The following CPSF4L variants were observed in gnomAD, a reference collection of about 807,000 sequenced individuals.
CPSF4L encodes the protein putative cleavage and polyadenylation specificity factor subunit 4-like protein.
A neutral mutation model predicts 24.0 loss-of-function variants in CPSF4L; 18 were observed. The ratio of observed to expected loss-of-function variants is 0.75; its 90% CI spans 0.52 to 1.11. The LOEUF (loss-of-function observed/expected upper bound fraction) is 1.11. Among genes scored for constraint, CPSF4L ranks in the 50% least tolerant of loss-of-function variants. CPSF4L has a pLI of 0.00. For missense variants in CPSF4L, 211 were observed against 221.8 expected, an observed-to-expected ratio of 0.95 and a Z score of 0.31; for synonymous variants, 72 against 77.2, an observed-to-expected ratio of 0.93 and a Z score of 0.35.
chr17:73,261,981 C>T, upstream of CPSF4L: 4 of 614,078 alleles, frequency 6.5e-6, no homozygotes, highest in South Asian at 7.7e-5. Context: ...CTGGGCTGTA[C>T]AGGAGCAGGG....
At chr17:73,243,001 T>C in the CPSF4L span, 4 of 1,611,062 alleles carry the variant, frequency 2.5e-6, no homozygotes, top group Non-Finnish European at 3.4e-6. Flanking sequence ...TTCAGACGTC[T>C]GAGTAAGTCT....
At chr17:73,252,770 G>C (rs2062010697) in intron 4 of CPSF4L, 47 bp from the exon 5 acceptor site, 2 of 1,373,688 alleles carry the variant, frequency 1.5e-6, no homozygotes, top group Non-Finnish European at 2.0e-6. Context: ...TTCAGCAAGA[G>C]GGGAAAACAC....
At chr17:73,256,933 A>G (rs1037481098) in intron 3 of CPSF4L, among the ~76,000 whole-genome samples, 4 of 152,236 alleles carry the variant, frequency 2.6e-5, no homozygotes, top group African/African-American at 9.6e-5. Flanking sequence ...AGGCTGAGGC[A>G]GGAGAATGGC....
chr17:73,262,937 T>A (rs1483062313), upstream of CPSF4L, among the ~76,000 whole-genome samples: 1 of 148,166 alleles, frequency 6.7e-6, no homozygotes, highest in Non-Finnish European at 1.5e-5. Flanking sequence ...GAACTCCAGA[T>A]CAGAAAAGAA....
At chr17:73,249,547 G>T (rs989401208) in intron 5 of CPSF4L, among the ~76,000 whole-genome samples, 2 of 152,208 alleles carry the variant, frequency 1.3e-5, no homozygotes, top group South Asian at 4.2e-4. Context: ...CTCCAGGCAG[G>T]CCAGGCACCT....
intron 5 of CPSF4L, chr17:73,249,814 C>G (rs1308045790): frequency 6.3e-6 from 1 of 157,588 alleles, no homozygotes; most frequent in Non-Finnish European, 1.4e-5. Flanking sequence ...AGAGTATATT[C>G]TTAGATTTAA....
At chr17:73,242,157 C>A in the CPSF4L span, 1 of 803,626 alleles carries the variant, frequency 1.2e-6, no homozygotes, top group Non-Finnish European at 2.0e-6. Context: ...CTTCCTGAGG[C>A]TTAGCCGTGG....
intron 3 of CPSF4L, among the ~76,000 whole-genome samples, chr17:73,256,065 T>C (rs1010412202): frequency 2.0e-5 from 3 of 152,242 alleles, no homozygotes; most frequent in African/African-American, 7.2e-5. Flanking sequence ...GATTACATCT[T>C]GTAATCATGG....
chr17:73,245,145 C>A, downstream of CPSF4L: 4 of 1,613,008 alleles, frequency 2.5e-6, no homozygotes, highest in Non-Finnish European at 2.5e-6. Context: ...CGGATCCTTA[C>A]ATTTGTCTCT....
upstream of CPSF4L, chr17:73,261,943 G>T: frequency 1.4e-6 from 1 of 705,166 alleles, no homozygotes; most frequent in South Asian, 1.7e-5. Flanking sequence ...GGTGCCAGTG[G>T]CCAGGTGACT....
intron 5 of CPSF4L, chr17:73,250,006 G>A (rs1036106257): frequency 7.3e-6 from 3 of 411,964 alleles, no homozygotes; most frequent in Non-Finnish European, 1.3e-5. Flanking sequence ...TTGGTTTTAT[G>A]TACATTTTGC....
chr17:73,258,278 G>A (rs1252762389), intron 2 of CPSF4L, among the ~76,000 whole-genome samples: 1 of 152,012 alleles, frequency 6.6e-6, no homozygotes, highest in Non-Finnish European at 1.5e-5. Flanking sequence ...CCAAAGTGCT[G>A]GGATTACAGG....
At position 73,251,214 on chromosome 17, in the gene CPSF4L, G is replaced by T. The variant is rs2062004754; in HGVS notation, c.497+1416C>A. 8 of 1,246,954 alleles carry T rather than the reference G, an allele frequency of 6.4e-6. 1 individual carries two copies. The South Asian group carries it at 1.8e-4, about 29-fold the overall frequency. The allele number at this position is 1,246,954 out of a possible 1,614,324, so 77.2% of individuals were successfully genotyped here. On this transcript the variant is annotated intron_variant, in intron 5 of 5. Coordinates refer to ENST00000344935, the MANE Select transcript of CPSF4L (RefSeq NM_001129885.1). ...GCCATGCATTTAGGGTGAAACCAGGGTTCAAGATGCCTTTAGTTACAGTTT... is the reference window on the plus strand; with the variant it reads ...GCCATGCATTTAGGGTGAAACCAGGTTTCAAGATGCCTTTAGTTACAGTTT...
downstream of CPSF4L, among the ~76,000 whole-genome samples, chr17:73,243,564 T>C (rs79419229): frequency 4.1e-3 from 611 of 149,862 alleles, 4 homozygotes; most frequent in Non-Finnish European, 5.8e-3. Flanking sequence ...TTTTTTTTTT[T>C]CCCACCCAGG....
intron 3 of CPSF4L, among the ~76,000 whole-genome samples, chr17:73,256,493 G>A (rs2062024994): frequency 6.6e-6 from 1 of 152,218 alleles, no homozygotes; most frequent in Admixed American, 6.5e-5. Context: ...TGGAAGCCAA[G>A]CCTCCTGAGT....
At chr17:73,260,893 A>G in intron 2 of CPSF4L, 40 bp downstream of exon 2, 1 of 1,528,664 alleles carries the variant, frequency 6.5e-7, no homozygotes, top group African/African-American at 1.4e-5. Context: ...CAGACCCTAC[A>G]CTCACCCAGC....
rs949701447 is a variant in CPSF4L at position 73,252,227 on chromosome 17, C to T, written c.497+403G>A. Among the ~76,000 whole-genome samples, 8 of 152,168 alleles carry T rather than the reference C, an allele frequency of 5.3e-5. No individual in the cohort carries two copies. In the South Asian group the frequency reaches 1.2e-3, roughly 24 times the overall value. On this transcript the variant is annotated intron_variant, in intron 5 of 5. Transcript: ENST00000344935. ...AGTGGAGAGAGAGACGATTACAGCC[C>T]AGCTCTCGCCCTCCCATCTTCTGCT...
chr17:73,248,295 C>A (rs117699711), downstream of CPSF4L: 6 of 577,966 alleles, frequency 1.0e-5, no homozygotes, highest in South Asian at 1.3e-4. Flanking sequence ...GAAGCCAGTA[C>A]GCTTCAGGTG....
At position 73,261,726 on chromosome 17, in the gene CPSF4L, C is replaced by T. The variant is rs764632853; in HGVS notation, c.93G>A (p.Gln31=). ...CCCACCCTCACTCACTGTCCATGCC[C>T]TGGAAAGGCAGGAGCCCAGTGCCCT... ...MQKGTGLLPF[Q]GMDKSASAVC... Residue 31 remains glutamine (Q), a synonymous_variant, in exon 1 of 6, where the codon CAG becomes CAA. Coordinates refer to ENST00000344935, the MANE Select transcript of CPSF4L (RefSeq NM_001129885.1). The T allele has an allele frequency of 2.7e-5, 42 of 1,550,612 alleles. No homozygotes were observed. Among genetic ancestry groups the T allele is most frequent in the South Asian group, 7.1e-5 (6 of 84,040 alleles).
Sources: allele counts gnomAD v4.1 joint callset (sites outside exome capture counted in the v4.1 genomes callset), GRCh38; gene constraint gnomAD v4.1.1; transcripts MANE v1.5; gene names NCBI Gene and HGNC (gene_info 2026-07-23, HGNC 2026-07-21).